The following PARP15 variants were observed in gnomAD, a reference collection of about 807,000 sequenced individuals.
PARP15 encodes poly(ADP-ribose) polymerase family member 15, also known as protein mono-ADP-ribosyltransferase PARP15.
In PARP15, 50 loss-of-function variants were observed where a neutral mutation model predicts 62.1. The observed-to-expected ratio is 0.81, with a 90% CI of 0.64 to 1.02. The LOEUF is 1.02. Ranked by LOEUF, PARP15 falls within the 50% of genes least tolerant of loss-of-function variation. The pLI is 0.00. For missense variants in PARP15, 820 were observed against 826.5 expected (o/e 0.99, Z 0.10); for synonymous variants, 309 against 293.1 (o/e 1.05, Z -0.55).
intron 1 of PARP15, among the ~76,000 whole-genome samples, chr3:122,596,485 A>G (rs368408201): frequency 7.2e-5 from 11 of 151,750 alleles, no homozygotes; most frequent in Admixed American, 6.6e-5. Flanking sequence ...TAGCAACTCT[A>G]TCCTCCTAGT....
At chr3:122,621,291 G>T (rs1936322804) in intron 7 of PARP15, 153 bp from the exon 8 acceptor site, 2 of 712,058 alleles carry the variant, frequency 2.8e-6, no homozygotes, top group Non-Finnish European at 2.2e-6. Flanking sequence ...AGAAAATGTG[G>T]TTGTCACAGT....
chr3:122,606,104 T>G, intron 2 of PARP15, 49 bp downstream of exon 2: 1 of 1,514,786 alleles, frequency 6.6e-7, no homozygotes, highest in Non-Finnish European at 8.9e-7. Context: ...GGGATCTATT[T>G]AACTTGTTCT....
chr3:122,580,882 T>C (rs189979539), intron 1 of PARP15, among the ~76,000 whole-genome samples: 3 of 152,340 alleles, frequency 2.0e-5, no homozygotes, highest in African/African-American at 7.2e-5. Flanking sequence ...TGACCGACCA[T>C]GTAAACCATG....
At chr3:122,633,525 T>C (rs1056560115) in intron 10 of PARP15, among the ~76,000 whole-genome samples, 2 of 151,206 alleles carry the variant, frequency 1.3e-5, no homozygotes, top group African/African-American at 2.4e-5. Flanking sequence ...GACCTTTTCT[T>C]TTTTTTTTTC....
chr3:122,600,019 A>T (rs1934668874), intron 1 of PARP15, among the ~76,000 whole-genome samples: 2 of 152,236 alleles, frequency 1.3e-5, no homozygotes, highest in Admixed American at 1.3e-4. Context: ...CAAATGGGAA[A>T]CACAAGTTAC....
At chr3:122,617,445 C>T (rs1936054904) in intron 6 of PARP15, among the ~76,000 whole-genome samples, 1 of 152,200 alleles carries the variant, frequency 6.6e-6, no homozygotes, top group South Asian at 2.1e-4. Context: ...TGGAGTTTAA[C>T]TGACGCATTG....
At chr3:122,598,307 C>T (rs1934514900) in intron 1 of PARP15, among the ~76,000 whole-genome samples, 1 of 152,226 alleles carries the variant, frequency 6.6e-6, no homozygotes, top group Non-Finnish European at 1.5e-5. Context: ...TTATCTCACA[C>T]TTTCTGTGAT....
At chr3:122,619,977 G>A in intron 7 of PARP15, 134 bp downstream of exon 7, 1 of 763,298 alleles carries the variant, frequency 1.3e-6, no homozygotes, top group East Asian at 2.6e-5. Flanking sequence ...TTCACTGGAA[G>A]AGCAGGCAGA....
At chr3:122,606,429 C>T (rs1056282148) in intron 2 of PARP15, among the ~76,000 whole-genome samples, 1 of 152,194 alleles carries the variant, frequency 6.6e-6, no homozygotes, top group African/African-American at 2.4e-5. Flanking sequence ...TTCACAAACA[C>T]GCCTTTGCTC....
intron 9 of PARP15, among the ~76,000 whole-genome samples, chr3:122,630,783 C>G (rs1937017685): frequency 6.6e-6 from 1 of 152,128 alleles, no homozygotes. Flanking sequence ...TTACAAAAGA[C>G]TTGGCATTTC....
intron 9 of PARP15, among the ~76,000 whole-genome samples, chr3:122,629,520 A>G (rs529030062): frequency 6.6e-6 from 1 of 152,314 alleles, no homozygotes; most frequent in Admixed American, 6.5e-5. Context: ...CTTTTAAAAC[A>G]GTGGTCCCCA....
chr3:122,617,009 T>C lies in PARP15; in HGVS notation c.851-6T>C, dbSNP rs760973375. On this transcript the variant is annotated splice_region_variant and splice_polypyrimidine_tract_variant and intron_variant, in intron 5 of 11. Transcript: ENST00000464300. Reference sequence around the variant, plus strand: ...CCCATTCTTTACCTATTTTCTTTCTTTTCAGGTGTGGTCGGGACTGTCTCT... The same window carrying C: ...CCCATTCTTTACCTATTTTCTTTCTCTTCAGGTGTGGTCGGGACTGTCTCT... The C allele has an allele frequency of 1.2e-6, 2 of 1,613,258 alleles. No homozygotes were observed. The highest frequency in any genetic ancestry group is 1.7e-6 in the Non-Finnish European group (2 of 1,179,542).
At chr3:122,611,383 G>A (rs924238041) in intron 3 of PARP15, among the ~76,000 whole-genome samples, 4 of 151,998 alleles carry the variant, frequency 2.6e-5, no homozygotes, top group African/African-American at 9.7e-5. Context: ...CCAGGCTGGA[G>A]TGCAGTGGGG....
rs140301813 is a variant in PARP15, at chr3:122,578,907, C to T, written c.186+1054C>T. Reference sequence around the variant, plus strand: ...GATATTAAATTGTGAATTGGTGGGACATATGTAACAGCTTTTCAACAATTG... The same window carrying T: ...GATATTAAATTGTGAATTGGTGGGATATATGTAACAGCTTTTCAACAATTG... On this transcript the variant is annotated intron_variant, in intron 1 of 11. Transcript: ENST00000464300. Among the ~76,000 whole-genome samples, 1,275 of 152,212 alleles carry T rather than the reference C, an allele frequency of 8.4e-3. 10 individuals carry two copies. Among genetic ancestry groups the T allele is most frequent in the Middle Eastern group, 0.014 (4 of 294 alleles).
chr3:122,609,108 T>C lies in PARP15; in HGVS notation c.307-1386T>C, dbSNP rs1299038252. On this transcript the variant is annotated intron_variant, in intron 2 of 11. Transcript: ENST00000464300. ...CCTAAACTGTGTAGGAATCAGTAAA[T>C]GGAGAGTGAAACTGCAAGTGGGAGT... is the stretch of plus-strand genomic sequence containing the variant. Among the ~76,000 whole-genome samples, 4 of 152,240 alleles carry C rather than the reference T, an allele frequency of 2.6e-5. No homozygotes were observed. In the East Asian group the frequency reaches 7.7e-4, roughly 29 times the overall value.
chr3:122,601,937 C>CT lies in PARP15; in HGVS notation c.187-3989dup, dbSNP rs145845190. On this transcript the variant is annotated intron_variant, in intron 1 of 11. Coordinates refer to ENST00000464300, the MANE Select transcript of PARP15 (RefSeq NM_001113523.3). ...GCTCCACATCCTTGCATTTGGTGGC[C>CT]TTTTTTTTTTCTTTCTTAAACAGGA... Among the ~76,000 whole-genome samples the CT allele has an allele frequency of 2.2e-3, 323 of 149,052 alleles. 1 individual carries two copies. The highest frequency in any genetic ancestry group is 4.9e-3 in the South Asian group (23 of 4,672).
intron 8 of PARP15, among the ~76,000 whole-genome samples, chr3:122,625,403 G>A (rs1035987762): frequency 5.9e-5 from 9 of 152,184 alleles, no homozygotes; most frequent in South Asian, 2.1e-4. Context: ...ACAGGTGTCC[G>A]CCACCATGGC....
At chr3:122,622,068 GGATTA>G (rs1394255365) in intron 8 of PARP15, among the ~76,000 whole-genome samples, 1 of 152,204 alleles carries the variant, frequency 6.6e-6, no homozygotes, top group Non-Finnish European at 1.5e-5. Flanking sequence ...CTAAGTGCTG[GGATTA>G]CAGGCATGGG....
At chr3:122,624,636 A>G (rs1252173931) in intron 8 of PARP15, among the ~76,000 whole-genome samples, 1 of 152,170 alleles carries the variant, frequency 6.6e-6, no homozygotes, top group Admixed American at 6.5e-5. Flanking sequence ...AGGATATTTT[A>G]ACCATCATGA....
Sources: gnomAD v4.1 joint callset for allele counts (sites outside exome capture counted in the v4.1 genomes callset) on GRCh38, gnomAD v4.1.1 for gene constraint, MANE v1.5 for transcripts, NCBI Gene and HGNC (gene_info 2026-07-23, HGNC 2026-07-21) for gene names.